The following EYA2 variants were observed in gnomAD, a reference collection of about 807,000 sequenced individuals.
EYA2 encodes the protein protein phosphatase EYA2.
Under a neutral mutation model 69.2 loss-of-function variants are expected in EYA2, and 31 were observed. The ratio of observed to expected loss-of-function variants is 0.45; its 90% CI spans 0.34 to 0.60. EYA2 has a LOEUF of 0.60. Ranked by LOEUF, EYA2 falls within the 20% of genes least tolerant of loss-of-function variation. The pLI, the probability that EYA2 is intolerant of heterozygous loss-of-function variation, is 0.02. For missense variants in EYA2, 622 were observed against 701.2 expected, an observed-to-expected ratio of 0.89 and a Z score of 1.28; for synonymous variants, 257 against 279.4, an observed-to-expected ratio of 0.92 and a Z score of 0.80.
chr20:47,132,485 AC>A lies in EYA2; in HGVS notation c.889-10573del, dbSNP rs530182111. ...ACCTAGGCACCAGGTGTTTTGCAAG[AC>A]ACACCACACACAAATCCTCAGGAGC... On this transcript the variant is annotated intron_variant, in intron 9 of 15. Transcript: ENST00000327619. Among the ~76,000 whole-genome samples the A allele has an allele frequency of 2.4e-3, 360 of 152,306 alleles. No homozygotes were observed. In the Middle Eastern group the frequency reaches 0.024, roughly 10 times the overall value.
intron 5 of EYA2, among the ~76,000 whole-genome samples, chr20:47,038,929 A>G (rs1984875370): frequency 6.6e-6 from 1 of 152,162 alleles, no homozygotes; most frequent in Non-Finnish European, 1.5e-5. Context: ...ACAAAAAAAC[A>G]TTGATCTTTT....
chr20:47,020,634 TG>T (rs1273493966), intron 5 of EYA2, among the ~76,000 whole-genome samples: 1 of 152,182 alleles, frequency 6.6e-6, no homozygotes, highest in African/African-American at 2.4e-5. Flanking sequence ...AAGAAGTTTC[TG>T]GTGCCACAGA....
intron 1 of EYA2, among the ~76,000 whole-genome samples, chr20:46,961,672 A>G (rs1164163847): frequency 2.6e-5 from 4 of 152,250 alleles, no homozygotes; most frequent in African/African-American, 7.2e-5. Flanking sequence ...CATATACACA[A>G]TGGAGTACTA....
At chr20:46,896,316 A>T (rs188039813) in intron 1 of EYA2, among the ~76,000 whole-genome samples, 3 of 152,216 alleles carry the variant, frequency 2.0e-5, no homozygotes, top group African/African-American at 7.2e-5. Context: ...AATGTCTGTG[A>T]CCATAATAGA....
chr20:47,062,221 T>C (rs2030920466), intron 5 of EYA2, among the ~76,000 whole-genome samples: 1 of 152,206 alleles, frequency 6.6e-6, no homozygotes, highest in Non-Finnish European at 1.5e-5. Flanking sequence ...AGCAGAGAAG[T>C]TGAGGAGAAA....
At chr20:47,049,424 G>T (rs1284885503) in intron 5 of EYA2, among the ~76,000 whole-genome samples, 1 of 152,204 alleles carries the variant, frequency 6.6e-6, no homozygotes. Flanking sequence ...TGGAGGTGGG[G>T]CCTGGTGGGA....
At chr20:47,051,609 G>A (rs987945604) in intron 5 of EYA2, among the ~76,000 whole-genome samples, 14 of 152,186 alleles carry the variant, frequency 9.2e-5, no homozygotes, top group Admixed American at 8.5e-4. Context: ...AGCCTTCTCT[G>A]ATGACCCAAC....
At chr20:47,136,211 A>G (rs1311002980) in intron 9 of EYA2, among the ~76,000 whole-genome samples, 2 of 152,220 alleles carry the variant, frequency 1.3e-5, no homozygotes, top group East Asian at 3.8e-4. Flanking sequence ...GAGAGCTGAT[A>G]AATTTGAGGA....
rs1462386600 is a variant in EYA2 at position 47,188,651 on chromosome 20, T to C, written c.*518T>C. 1 of 322,476 alleles carries C rather than the reference T, an allele frequency of 3.1e-6. No individual in the cohort carries two copies. Among genetic ancestry groups the C allele is most frequent in the African/African-American group, 2.1e-5 (1 of 47,072 alleles). 20.0% of individuals were successfully genotyped at this position (322,476 alleles called of 1,614,324 possible). ...GTGGGGACAATCATTCTTTGAACAT[T>C]AGAGAGGAAGGCAGTTCAAGCTGTT... On this transcript the variant is annotated 3_prime_UTR_variant, in exon 16 of 16. Transcript: ENST00000327619.
At chr20:46,950,638 C>T (rs762790481) in intron 1 of EYA2, among the ~76,000 whole-genome samples, 1 of 152,212 alleles carries the variant, frequency 6.6e-6, no homozygotes, top group African/African-American at 2.4e-5. Flanking sequence ...GGAGGTCGTA[C>T]TCAAATTGCC....
rs375611234 is a variant in EYA2, at chr20:47,030,491, C to T, written c.415+14194C>T. Among the ~76,000 whole-genome samples the T allele has an allele frequency of 1.1e-4, 16 of 152,164 alleles. No individual in the cohort carries two copies. In the East Asian group the frequency reaches 1.5e-3, roughly 15 times the overall value. The stretch of plus-strand genomic sequence containing the variant: ...GCATGCTAAGCATGGGCCACACAGC[C>T]CCAGGCTGACAGTCAAGCCACACCT... On this transcript the variant is annotated intron_variant, in intron 5 of 15. Coordinates refer to ENST00000327619, the MANE Select transcript of EYA2 (RefSeq NM_005244.5).
At chr20:47,055,853 C>CT (rs1052674699) in intron 5 of EYA2, among the ~76,000 whole-genome samples, 1 of 151,992 alleles carries the variant, frequency 6.6e-6, no homozygotes, top group Middle Eastern at 3.2e-3. Flanking sequence ...TGCAACTCAC[C>CT]TTTTTTTTCA....
intron 1 of EYA2, among the ~76,000 whole-genome samples, chr20:46,965,833 C>G (rs369332233): frequency 2.0e-5 from 3 of 152,224 alleles, no homozygotes; most frequent in East Asian, 3.9e-4. Flanking sequence ...TTCCTGAGCC[C>G]ACGTCTGTTG....
chr20:47,156,103 C>CATATATAT (rs1227214458), intron 10 of EYA2, among the ~76,000 whole-genome samples: 1 of 17,528 alleles, frequency 5.7e-5, no homozygotes, highest in Admixed American at 9.8e-4. Flanking sequence ...CACACACACA[C>CATATATAT]ACACACACAC....
intron 5 of EYA2, 21 bp downstream of exon 5, chr20:47,016,318 C>A (rs1416434401): frequency 2.5e-6 from 4 of 1,584,836 alleles, no homozygotes; most frequent in Non-Finnish European, 3.5e-6. Flanking sequence ...CGCTGTGGCC[C>A]CTTCCTGCCC....
At chr20:47,065,838 G>A (rs950635911) in intron 5 of EYA2, among the ~76,000 whole-genome samples, 20 of 152,192 alleles carry the variant, frequency 1.3e-4, no homozygotes, top group Middle Eastern at 3.4e-3. Flanking sequence ...GCATCACTGC[G>A]TCTTTGTCTG....
intron 1 of EYA2, among the ~76,000 whole-genome samples, chr20:46,968,197 GCGAA>G (rs1979909924): frequency 6.6e-6 from 1 of 152,222 alleles, no homozygotes; most frequent in Non-Finnish European, 1.5e-5. Context: ...CAAGAGACAG[GCGAA>G]GGTGCCCATC....
intron 5 of EYA2, among the ~76,000 whole-genome samples, chr20:47,018,473 A>G (rs1983544551): frequency 6.6e-6 from 1 of 152,260 alleles, no homozygotes; most frequent in Non-Finnish European, 1.5e-5. Flanking sequence ...CCTGTGACAG[A>G]CAAAAACATG....
chr20:47,112,322 G>A (rs1235419626), intron 9 of EYA2, among the ~76,000 whole-genome samples: 1 of 152,170 alleles, frequency 6.6e-6, no homozygotes, highest in Non-Finnish European at 1.5e-5. Context: ...AGGGCAGTGA[G>A]TATCAAGATA....
Sources: allele counts gnomAD v4.1 joint callset (sites outside exome capture counted in the v4.1 genomes callset), GRCh38; gene constraint gnomAD v4.1.1; transcripts MANE v1.5; gene names NCBI Gene and HGNC (gene_info 2026-07-23, HGNC 2026-07-21).